Variants in CSMD1 observed in about 807,000 individuals in gnomAD.
CSMD1 encodes the protein CUB and sushi domain-containing protein 1.
CSMD1 carries 213 observed loss-of-function variants against 417.5 expected under a neutral mutation model. The ratio of observed to expected loss-of-function variants is 0.51; its 90% confidence interval spans 0.46 to 0.57. The LOEUF (loss-of-function observed/expected upper bound fraction) is 0.57. Ranked by LOEUF, CSMD1 falls within the 20% of genes least tolerant of loss-of-function variation. CSMD1 has a pLI of 0.00. For missense variants in CSMD1, 6,923 were observed against 4,529.7 expected (o/e 1.53, Z -15.17); for synonymous variants, 2,862 against 1,736.8 (o/e 1.65, Z -16.11).
intron 2 of CSMD1, among the ~76,000 whole-genome samples, chr8:4,595,947 A>G (rs1350102383): frequency 6.6e-6 from 1 of 151,936 alleles, no homozygotes; most frequent in Non-Finnish European, 1.5e-5. Flanking sequence ...ACTAAACTAT[A>G]TGAACTGTAC....
chr8:3,022,135 T>C (rs1340698285), intron 51 of CSMD1, among the ~76,000 whole-genome samples: 1 of 133,474 alleles, frequency 7.5e-6, no homozygotes. Context: ...TCCCACAGCA[T>C]CCAGAATGCA....
chr8:3,400,282 T>G (rs958233606), intron 15 of CSMD1, among the ~76,000 whole-genome samples: 2 of 152,188 alleles, frequency 1.3e-5, no homozygotes, highest in African/African-American at 4.8e-5. Context: ...TTTTATGTAT[T>G]CTCTCTCAAA....
Position 3,494,569 on chromosome 8 carries a change from T to C in CSMD1, c.1345-843A>G, listed in dbSNP as rs562581886. On this transcript the variant is annotated intron_variant, in intron 10 of 69. Transcript: ENST00000635120. ...ACAGATTAGATGATAGATAGATAGATAGATAGATAGATAGATAGATAGATA... is the reference window on the plus strand; with the variant it reads ...ACAGATTAGATGATAGATAGATAGACAGATAGATAGATAGATAGATAGATA... 1.1e-3 allele frequency among the ~76,000 whole-genome samples: 139 copies of C among 126,946 alleles called. 1 individual carries two copies. Among genetic ancestry groups the C allele is most frequent in the South Asian group, 0.01 (45 of 4,376 alleles). The allele number at this position is 126,946 out of a possible 152,430, so 83.3% of individuals were successfully genotyped here. A position where few individuals can be genotyped will look rare whatever the true frequency, so the allele number is the denominator to read the frequency against.
At chr8:4,752,493 G>C (rs187045340) in intron 1 of CSMD1, among the ~76,000 whole-genome samples, 6 of 152,050 alleles carry the variant, frequency 3.9e-5, no homozygotes, top group Non-Finnish European at 7.4e-5. Flanking sequence ...TAGTGGCTTT[G>C]GTTATAAGGG....
intron 2 of CSMD1, among the ~76,000 whole-genome samples, chr8:4,563,447 A>C (rs971675610): frequency 4.6e-5 from 7 of 152,034 alleles, no homozygotes; most frequent in African/African-American, 1.7e-4. Flanking sequence ...AACAATGATC[A>C]TCTCACATTC....
chr8:4,074,221 A>C (rs1799705594), intron 3 of CSMD1, among the ~76,000 whole-genome samples: 1 of 152,100 alleles, frequency 6.6e-6, no homozygotes, highest in African/African-American at 2.4e-5. Context: ...CAAATTATAC[A>C]GCTTTTTGTA....
At chr8:4,352,941 G>C (rs973053930) in intron 3 of CSMD1, among the ~76,000 whole-genome samples, 9 of 152,318 alleles carry the variant, frequency 5.9e-5, no homozygotes, top group African/African-American at 2.2e-4. Flanking sequence ...GTAAATACGA[G>C]CTTGTAGGGC....
chr8:2,973,582 T>C (rs1230857791), intron 56 of CSMD1, among the ~76,000 whole-genome samples: 1 of 150,866 alleles, frequency 6.6e-6, no homozygotes, highest in African/African-American at 2.4e-5. Flanking sequence ...ATGCCAGGAA[T>C]GGTAAATGCA....
At chr8:4,635,839 A>T (rs1802783175) in intron 2 of CSMD1, among the ~76,000 whole-genome samples, 1 of 152,126 alleles carries the variant, frequency 6.6e-6, no homozygotes, top group South Asian at 2.1e-4. Flanking sequence ...TAAATGTAAT[A>T]AAAGGACAGA....
intron 3 of CSMD1, among the ~76,000 whole-genome samples, chr8:4,282,396 G>C (rs936895829): frequency 4.6e-5 from 7 of 152,174 alleles, no homozygotes; most frequent in Non-Finnish European, 8.8e-5. Flanking sequence ...GGACTCATTA[G>C]CACATCAACA....
chr8:3,150,388 G>A (rs891266357), intron 40 of CSMD1, among the ~76,000 whole-genome samples: 3 of 152,028 alleles, frequency 2.0e-5, no homozygotes, highest in African/African-American at 7.2e-5. Flanking sequence ...CATTTCCCAC[G>A]TCCAGCGCCT....
chr8:3,966,760 C>T (rs112922454), intron 5 of CSMD1, among the ~76,000 whole-genome samples: 2 of 87,038 alleles, frequency 2.3e-5, no homozygotes, highest in African/African-American at 5.1e-5. Context: ...CACACGCGCG[C>T]GCGCGCACAC....
intron 5 of CSMD1, among the ~76,000 whole-genome samples, chr8:3,896,275 T>C (rs1013039350): frequency 3.9e-5 from 6 of 152,164 alleles, no homozygotes; most frequent in African/African-American, 1.2e-4. Flanking sequence ...CTTGTATCTG[T>C]CTATGAGTGA....
chr8:3,948,169 C>T (rs1197858841), intron 5 of CSMD1, among the ~76,000 whole-genome samples: 3 of 152,112 alleles, frequency 2.0e-5, no homozygotes, highest in Non-Finnish European at 2.9e-5. Flanking sequence ...TGCACCACTA[C>T]ACTGCAGCCT....
At chr8:4,813,130 C>A (rs1799002755) in intron 1 of CSMD1, among the ~76,000 whole-genome samples, 1 of 152,238 alleles carries the variant, frequency 6.6e-6, no homozygotes, top group Non-Finnish European at 1.5e-5. Flanking sequence ...ATATGTTAAG[C>A]TCTCGCTAAA....
chr8:4,576,082 C>T (rs1458149996), intron 2 of CSMD1, among the ~76,000 whole-genome samples: 1 of 152,220 alleles, frequency 6.6e-6, no homozygotes, highest in East Asian at 1.9e-4. Context: ...CTCCACATGC[C>T]AGCATAATTG....
At chr8:4,679,024 G>C (rs986189736) in intron 1 of CSMD1, among the ~76,000 whole-genome samples, 1 of 152,214 alleles carries the variant, frequency 6.6e-6, no homozygotes, top group Non-Finnish European at 1.5e-5. Context: ...ACCTGCCCAA[G>C]ATGGTTCATT....
At chr8:3,603,228 C>G (rs1336105096) in intron 8 of CSMD1, among the ~76,000 whole-genome samples, 1 of 152,178 alleles carries the variant, frequency 6.6e-6, no homozygotes, top group African/African-American at 2.4e-5. Context: ...AAATATTTTT[C>G]CTACTCTGCT....
intron 2 of CSMD1, among the ~76,000 whole-genome samples, chr8:4,609,380 G>C (rs1389025710): frequency 6.6e-6 from 1 of 152,208 alleles, no homozygotes; most frequent in South Asian, 2.1e-4. Context: ...CAGCCTGGGT[G>C]ACAGGGTGAG....
Sources: allele counts gnomAD v4.1 joint callset (sites outside exome capture counted in the v4.1 genomes callset), GRCh38; gene constraint gnomAD v4.1.1; transcripts MANE v1.5; gene names NCBI Gene and HGNC (gene_info 2026-07-23, HGNC 2026-07-21).